The following DPF3 variants were observed in gnomAD, a reference collection of about 807,000 sequenced individuals.
DPF3 encodes zinc finger protein DPF3.
A neutral mutation model predicts 56.8 loss-of-function variants in DPF3; 18 were observed. The observed-to-expected ratio is 0.32, with a 90% CI of 0.22 to 0.47. The LOEUF is 0.47. DPF3 is among the 20% of genes least tolerant of loss of function. DPF3 has a pLI of 1.00. For missense variants in DPF3, 403 were observed against 488.8 expected, an observed-to-expected ratio of 0.82 and a Z score of 1.65; for synonymous variants, 188 against 180.2, an observed-to-expected ratio of 1.04 and a Z score of -0.35.
At chr14:72,647,768 G>A (rs2803977) in intron 8 of DPF3, among the ~76,000 whole-genome samples, 25 of 152,144 alleles carry the variant, frequency 1.6e-4, no homozygotes, top group African/African-American at 1.7e-4. Flanking sequence ...CTATTTTAGC[G>A]TCTATTCAAC....
chr14:72,685,002 G>T (rs1887346086), intron 7 of DPF3, among the ~76,000 whole-genome samples: 1 of 152,142 alleles, frequency 6.6e-6, no homozygotes, highest in Non-Finnish European at 1.5e-5. Context: ...GCAATCCAAG[G>T]AGAGAGCCCT....
chr14:72,872,817 G>C (rs1222116294), intron 1 of DPF3, among the ~76,000 whole-genome samples: 5 of 152,190 alleles, frequency 3.3e-5, no homozygotes, highest in Non-Finnish European at 5.9e-5. Context: ...AACAAGCAAT[G>C]GGGAAAGGAT....
chr14:72,697,820 G>A (rs1887970062), intron 6 of DPF3, among the ~76,000 whole-genome samples: 1 of 152,140 alleles, frequency 6.6e-6, no homozygotes, highest in Non-Finnish European at 1.5e-5. Context: ...GTGGAAAAGG[G>A]AGTGAGTAAG....
chr14:72,804,432 A>G (rs1168671871), intron 1 of DPF3, among the ~76,000 whole-genome samples: 1 of 152,190 alleles, frequency 6.6e-6, no homozygotes, highest in Non-Finnish European at 1.5e-5. Context: ...AAACAACAAC[A>G]AAAACAACAA....
chr14:72,653,173 G>T (rs772065486), intron 8 of DPF3, among the ~76,000 whole-genome samples: 26 of 152,180 alleles, frequency 1.7e-4, no homozygotes, highest in Non-Finnish European at 2.5e-4. Flanking sequence ...GCACAGCTTT[G>T]GCCTGAGTCA....
At chr14:72,845,326 C>G (rs746386190) in intron 1 of DPF3, among the ~76,000 whole-genome samples, 1 of 152,236 alleles carries the variant, frequency 6.6e-6, no homozygotes, top group African/African-American at 2.4e-5. Flanking sequence ...ACCAACAGAC[C>G]CAAGCTAGCC....
At chr14:72,842,698 A>G (rs1390407545) in intron 1 of DPF3, among the ~76,000 whole-genome samples, 2 of 152,134 alleles carry the variant, frequency 1.3e-5, no homozygotes, top group East Asian at 3.9e-4. Flanking sequence ...TCAGTTTTTA[A>G]AACTTAAGAA....
chr14:72,704,820 G>A (rs530583668), intron 6 of DPF3, among the ~76,000 whole-genome samples: 2 of 152,112 alleles, frequency 1.3e-5, no homozygotes, highest in African/African-American at 4.8e-5. Context: ...ATCATCTGCC[G>A]GGTTCTGTGA....
At chr14:72,853,862 C>T (rs1885079777) in intron 1 of DPF3, among the ~76,000 whole-genome samples, 1 of 152,170 alleles carries the variant, frequency 6.6e-6, no homozygotes, top group Non-Finnish European at 1.5e-5. Context: ...CAAGAAAGGA[C>T]AATATCTTCA....
chr14:72,861,581 C>T (rs1198929881), intron 1 of DPF3, among the ~76,000 whole-genome samples: 2 of 152,032 alleles, frequency 1.3e-5, no homozygotes, highest in Non-Finnish European at 2.9e-5. Flanking sequence ...TATGTGAGTG[C>T]TTGATCATGG....
At chr14:72,837,563 CCCCA>C (rs1884351274) in intron 1 of DPF3, among the ~76,000 whole-genome samples, 1 of 151,896 alleles carries the variant, frequency 6.6e-6, no homozygotes, top group Non-Finnish European at 1.5e-5. Flanking sequence ...CATGGTGAAA[CCCCA>C]TCTCTACTAA....
intron 1 of DPF3, among the ~76,000 whole-genome samples, chr14:72,859,967 CAA>C (rs5809595): frequency 6.6e-4 from 87 of 131,844 alleles, no homozygotes; most frequent in East Asian, 2.5e-3. Flanking sequence ...ATTTAACTGA[CAA>C]AAAAAAAAAA....
intron 1 of DPF3, among the ~76,000 whole-genome samples, chr14:72,851,169 C>T (rs11158984): frequency 0.28 from 43,320 of 152,026 alleles, 6,357 homozygotes; most frequent in East Asian, 0.45. Context: ...GGGAAATGAA[C>T]GCTCCCCTTT....
chr14:72,630,091 C>T (rs1028640511), intron 8 of DPF3, among the ~76,000 whole-genome samples: 6 of 152,180 alleles, frequency 3.9e-5, no homozygotes, highest in Non-Finnish European at 8.8e-5. Context: ...TGGGACCCTC[C>T]AAGCCCCAGC....
chr14:72,843,801 C>A (rs1884645348), intron 1 of DPF3, among the ~76,000 whole-genome samples: 1 of 152,228 alleles, frequency 6.6e-6, no homozygotes, highest in Non-Finnish European at 1.5e-5. Context: ...CTCAGCCTCC[C>A]AAAGTGCTGG....
chr14:72,641,070 A>G (rs547721432), intron 8 of DPF3, among the ~76,000 whole-genome samples: 1 of 152,308 alleles, frequency 6.6e-6, no homozygotes, highest in South Asian at 2.1e-4. Context: ...TCCAAGGAAG[A>G]GGAAGGGTGG....
chr14:72,623,928 G>GT lies in DPF3; in HGVS notation c.985-3945dup, dbSNP rs551766357. Among the ~76,000 whole-genome samples the GT allele has an allele frequency of 6.8e-3, 1,031 of 152,224 alleles. 12 individuals carry two copies. The highest frequency in any genetic ancestry group is 0.024 in the African/African-American group (981 of 41,522). On this transcript the variant is annotated intron_variant, in intron 9 of 10. Coordinates refer to ENST00000556509, the MANE Select transcript of DPF3 (RefSeq NM_001280542.3). ...TATAAATATATTTACATATTACAAA[G>GT]TAAGGAAGCTATCAAATACTATTAG...
chr14:72,661,269 C>G, intron 8 of DPF3: 1 of 985,360 alleles, frequency 1.0e-6, no homozygotes, highest in Non-Finnish European at 1.2e-6. Flanking sequence ...TCTCGGTGAT[C>G]CCCTCCACCA....
At chr14:72,868,049 T>C (rs902804274) in intron 1 of DPF3, among the ~76,000 whole-genome samples, 3 of 152,136 alleles carry the variant, frequency 2.0e-5, no homozygotes, top group African/African-American at 7.2e-5. Flanking sequence ...GAAGTGAGAA[T>C]AACAGCAATA....
Sources: gnomAD v4.1 joint callset for allele counts (sites outside exome capture counted in the v4.1 genomes callset) on GRCh38, gnomAD v4.1.1 for gene constraint, MANE v1.5 for transcripts, NCBI Gene and HGNC (gene_info 2026-07-23, HGNC 2026-07-21) for gene names.